KCNQ5: variants seen among roughly 807,000 people sequenced by gnomAD.
KCNQ5 encodes potassium voltage-gated channel subfamily KQT member 5.
A neutral mutation model predicts 98.2 loss-of-function variants in KCNQ5; 30 were observed. The observed-to-expected ratio is 0.31, with a 90% CI of 0.23 to 0.41. KCNQ5 has a LOEUF of 0.41. KCNQ5 is among the 10% of genes least tolerant of loss of function. KCNQ5 has a pLI of 1.00. For missense variants in KCNQ5, 835 were observed against 1,182.5 expected (o/e 0.71, Z 4.31); for synonymous variants, 458 against 449.4 (o/e 1.02, Z -0.24).
At chr6:72,868,606 C>T (rs1303165186) in intron 1 of KCNQ5, among the ~76,000 whole-genome samples, 2 of 152,090 alleles carry the variant, frequency 1.3e-5, no homozygotes, top group Non-Finnish European at 2.9e-5. Flanking sequence ...GATTGGCAAC[C>T]GGTGACTCTG....
At chr6:73,041,875 G>C in intron 2 of KCNQ5, 61 bp from the exon 3 acceptor site, 1 of 1,600,564 alleles carries the variant, frequency 6.2e-7, no homozygotes, top group Non-Finnish European at 8.6e-7. Context: ...TATGCATAGA[G>C]CTTCTTACTG....
intron 1 of KCNQ5, among the ~76,000 whole-genome samples, chr6:72,737,929 G>C (rs1180931498): frequency 2.0e-5 from 3 of 152,140 alleles, no homozygotes; most frequent in Admixed American, 6.5e-5. Context: ...GCCGAGGTGG[G>C]TGGATCACAA....
At chr6:72,686,045 A>G (rs571092252) in intron 1 of KCNQ5, among the ~76,000 whole-genome samples, 34 of 152,250 alleles carry the variant, frequency 2.2e-4, no homozygotes, top group Admixed American at 1.3e-3. Flanking sequence ...CTTCTTTTTC[A>G]AGGATGTTGA....
chr6:73,100,992 A>G (rs1437766266), intron 5 of KCNQ5, among the ~76,000 whole-genome samples: 1 of 152,166 alleles, frequency 6.6e-6, no homozygotes. Flanking sequence ...GAAGCCATAA[A>G]AAAAATTATC....
chr6:72,818,028 A>T (rs1037141206), intron 1 of KCNQ5, among the ~76,000 whole-genome samples: 6 of 152,204 alleles, frequency 3.9e-5, no homozygotes, highest in Admixed American at 2.0e-4. Flanking sequence ...AATCAGTAGG[A>T]TATGTAACAC....
In KCNQ5 at chr6:72,622,520, G is replaced by A; in HGVS notation, c.331G>A (p.Val111Met). ...SCRRNVKYRRVQNYLYNVLER... is the reference protein window; with the variant it reads ...SCRRNVKYRRMQNYLYNVLER... ...CCGGCGCAACGTCAAGTACCGGCGG[G>A]TGCAGAACTACCTGTACAACGTGCT... Residue 111 changes from valine (V) to methionine (M), a missense_variant, in exon 1 of 14, where the codon GTG (valine) becomes ATG (methionine). Val to Met is a conservative substitution (Grantham distance 21, BLOSUM62 1). This residue lies in a region of KCNQ5 where 54 missense variants were observed against 51.5 expected (regional missense o/e 1.05). Coordinates refer to ENST00000370398, the MANE Select transcript of KCNQ5 (RefSeq NM_019842.4). This position sits in a 1 kb window ranked among gnomAD's most constrained non-coding sequence, Gnocchi z 6.0. The A allele has an allele frequency of 6.2e-7, 1 of 1,608,714 alleles. No individual in the cohort carries two copies. The highest frequency in any genetic ancestry group is 8.5e-7 in the Non-Finnish European group (1 of 1,177,808).
chr6:72,749,815 A>G (rs572865684), intron 1 of KCNQ5, among the ~76,000 whole-genome samples: 2 of 152,170 alleles, frequency 1.3e-5, no homozygotes, highest in African/African-American at 4.8e-5. Flanking sequence ...TTTTCATAGG[A>G]CCTTTTTCAT....
intron 1 of KCNQ5, among the ~76,000 whole-genome samples, chr6:72,648,436 A>G (rs945270114): frequency 1.3e-5 from 2 of 152,198 alleles, no homozygotes; most frequent in Non-Finnish European, 1.5e-5. Context: ...TTAGAGCTAC[A>G]TGAATCTATA....
intron 1 of KCNQ5, among the ~76,000 whole-genome samples, chr6:73,000,241 G>A (rs1001132552): frequency 3.9e-5 from 6 of 152,214 alleles, no homozygotes; most frequent in South Asian, 2.1e-4. Flanking sequence ...GTCACCTTAC[G>A]GGGGTCACTC....
At chr6:73,190,756 T>A in intron 12 of KCNQ5, 52 bp downstream of exon 12, 1 of 1,267,450 alleles carries the variant, frequency 7.9e-7, no homozygotes, top group Non-Finnish European at 1.1e-6. Flanking sequence ...AGAACCTATC[T>A]AGGAAGAACT....
At chr6:72,926,401 T>C (rs1183795425) in intron 1 of KCNQ5, among the ~76,000 whole-genome samples, 1 of 152,192 alleles carries the variant, frequency 6.6e-6, no homozygotes, top group Non-Finnish European at 1.5e-5. Context: ...TTCCCTTCTC[T>C]CTATCTGGCA....
At chr6:73,058,613 G>A (rs1417356028) in intron 3 of KCNQ5, among the ~76,000 whole-genome samples, 4 of 152,186 alleles carry the variant, frequency 2.6e-5, no homozygotes, top group Non-Finnish European at 5.9e-5. Flanking sequence ...ACTATCAACA[G>A]AGTGAACAGA....
chr6:73,094,016 A>C (rs947808701), intron 5 of KCNQ5, among the ~76,000 whole-genome samples: 7 of 152,200 alleles, frequency 4.6e-5, no homozygotes, highest in East Asian at 3.9e-4. Flanking sequence ...GAAGTCTCCC[A>C]CTATTATTAT....
intron 1 of KCNQ5, among the ~76,000 whole-genome samples, chr6:72,949,845 A>G (rs1436488476): frequency 2.6e-5 from 4 of 152,164 alleles, no homozygotes; most frequent in Non-Finnish European, 5.9e-5. Context: ...CCCTCCCCCA[A>G]TAAACTAAAT....
chr6:72,886,734 C>T (rs559990372), intron 1 of KCNQ5, among the ~76,000 whole-genome samples: 6 of 152,080 alleles, frequency 3.9e-5, no homozygotes, highest in South Asian at 2.1e-4. Context: ...TTAGCAATAA[C>T]GGAATATAGA....
At chr6:72,932,830 C>T (rs779455340) in intron 1 of KCNQ5, among the ~76,000 whole-genome samples, 2 of 152,086 alleles carry the variant, frequency 1.3e-5, no homozygotes, top group Non-Finnish European at 2.9e-5. Context: ...GAACTATTAT[C>T]ACTTCAAGAA....
intron 2 of KCNQ5, among the ~76,000 whole-genome samples, chr6:73,019,525 G>A (rs1770494506): frequency 6.6e-6 from 1 of 152,098 alleles, no homozygotes; most frequent in Admixed American, 6.6e-5. Context: ...ATCATCCTTA[G>A]GTCCCATAAA....
intron 10 of KCNQ5, among the ~76,000 whole-genome samples, chr6:73,169,098 C>T (rs916775282): frequency 6.6e-6 from 1 of 152,160 alleles, no homozygotes; most frequent in Admixed American, 6.5e-5. Flanking sequence ...AATAATTTGG[C>T]ATTTATTATA....
chr6:72,709,493 C>T (rs1769252172), intron 1 of KCNQ5, among the ~76,000 whole-genome samples: 1 of 152,056 alleles, frequency 6.6e-6, no homozygotes, highest in Non-Finnish European at 1.5e-5. Flanking sequence ...GAGATTTGGC[C>T]CAGAAAAGAG....
Sources: allele counts gnomAD v4.1 joint callset (sites outside exome capture counted in the v4.1 genomes callset), GRCh38; gene constraint gnomAD v4.1.1; regional missense constraint gnomAD v4.1.1; non-coding constraint Gnocchi (gnomAD v3.1); transcripts MANE v1.5; gene names NCBI Gene and HGNC (gene_info 2026-07-23, HGNC 2026-07-21).